Variants in SSBP2 observed in about 807,000 individuals in gnomAD.
SSBP2 encodes the protein single stranded DNA binding protein 2.
A neutral mutation model predicts 61.8 loss-of-function variants in SSBP2; 17 were observed. That is an observed-to-expected ratio of 0.28 (90% confidence interval 0.19 to 0.41). SSBP2 has a LOEUF of 0.41. Among genes scored for constraint, SSBP2 ranks in the 10% least tolerant of loss-of-function variants. The pLI, the probability that SSBP2 is intolerant of heterozygous loss-of-function variation, is 1.00. For missense variants in SSBP2, 310 were observed against 458.7 expected, an observed-to-expected ratio of 0.68 and a Z score of 2.96; for synonymous variants, 139 against 141.3, an observed-to-expected ratio of 0.98 and a Z score of 0.12.
rs534768410 is a variant in SSBP2, at chr5:81,546,582, G to A, written c.283-32865C>T. ...TGAGTTACTCTTACAATACGTCTTT[G>A]AGGTCAAAGGGAAAATATTTTTCAT... is the stretch of plus-strand genomic sequence containing the variant. On this transcript the variant is annotated intron_variant, in intron 4 of 16. Transcript: ENST00000320672. Among the ~76,000 whole-genome samples the A allele has an allele frequency of 2.0e-4, 31 of 151,982 alleles. 1 individual carries two copies. The highest frequency in any genetic ancestry group is 6.5e-4 in the African/African-American group (27 of 41,442).
At chr5:81,460,480 G>C (rs1436872090) in intron 10 of SSBP2, among the ~76,000 whole-genome samples, 1 of 152,140 alleles carries the variant, frequency 6.6e-6, no homozygotes, top group Non-Finnish European at 1.5e-5. Context: ...TATTAAGAGA[G>C]ATAAATATTA....
At chr5:81,541,002 A>T (rs570342480) in intron 4 of SSBP2, among the ~76,000 whole-genome samples, 1 of 152,276 alleles carries the variant, frequency 6.6e-6, no homozygotes, top group East Asian at 1.9e-4. Context: ...GTGTGATTCT[A>T]TAGCTAGAAA....
At chr5:81,675,468 C>G (rs1352343338) in intron 1 of SSBP2, among the ~76,000 whole-genome samples, 2 of 152,066 alleles carry the variant, frequency 1.3e-5, no homozygotes, top group Non-Finnish European at 2.9e-5. Context: ...AAGAATATAC[C>G]ATTTTAGGGA....
At chr5:81,684,559 G>A (rs974084456) in intron 1 of SSBP2, among the ~76,000 whole-genome samples, 12 of 152,084 alleles carry the variant, frequency 7.9e-5, no homozygotes, top group African/African-American at 1.4e-4. Context: ...TGTGAGACAC[G>A]GAGTCAAAGG....
chr5:81,424,970 T>C (rs1761861243), intron 16 of SSBP2, among the ~76,000 whole-genome samples: 1 of 152,248 alleles, frequency 6.6e-6, no homozygotes, highest in Non-Finnish European at 1.5e-5. Context: ...ATTCTGAGTC[T>C]GGCTCTCCCT....
At chr5:81,723,245 T>C (rs1483110343) in intron 1 of SSBP2, among the ~76,000 whole-genome samples, 1 of 152,020 alleles carries the variant, frequency 6.6e-6, no homozygotes, top group African/African-American at 2.4e-5. Context: ...TATACATTGT[T>C]AGTAAGAGTT....
intron 16 of SSBP2, among the ~76,000 whole-genome samples, chr5:81,427,750 G>C (rs557040021): frequency 1.3e-5 from 2 of 152,248 alleles, no homozygotes; most frequent in Admixed American, 1.3e-4. Flanking sequence ...CTACATTCCA[G>C]TTCAGTGGTT....
intron 15 of SSBP2, among the ~76,000 whole-genome samples, chr5:81,429,980 AT>A (rs977801674): frequency 4.6e-5 from 7 of 151,808 alleles, no homozygotes; most frequent in East Asian, 1.9e-4. Context: ...AGAGGATTCT[AT>A]TTTTTTTGAC....
intron 1 of SSBP2, among the ~76,000 whole-genome samples, chr5:81,678,243 A>T (rs1752133306): frequency 1.3e-5 from 2 of 152,210 alleles, no homozygotes; most frequent in South Asian, 4.1e-4. Context: ...AATTCTAGAG[A>T]CCATAAACAC....
intron 5 of SSBP2, among the ~76,000 whole-genome samples, chr5:81,503,341 C>G (rs1767940023): frequency 6.6e-6 from 1 of 152,116 alleles, no homozygotes; most frequent in African/African-American, 2.4e-5. Context: ...GTAATCCCAG[C>G]TACTCGGGAG....
At chr5:81,624,211 C>G (rs913759880) in intron 3 of SSBP2, among the ~76,000 whole-genome samples, 15 of 152,132 alleles carry the variant, frequency 9.9e-5, no homozygotes, top group Non-Finnish European at 1.8e-4. Flanking sequence ...AAATTAAATA[C>G]AAATTTAGTT....
chr5:81,549,768 T>C (rs1265615263), intron 4 of SSBP2, among the ~76,000 whole-genome samples: 1 of 152,178 alleles, frequency 6.6e-6, no homozygotes, highest in Non-Finnish European at 1.5e-5. Context: ...ACATTTAATA[T>C]ATACAATTTG....
intron 4 of SSBP2, among the ~76,000 whole-genome samples, chr5:81,551,846 A>C (rs1281862138): frequency 6.6e-6 from 1 of 152,198 alleles, no homozygotes; most frequent in African/African-American, 2.4e-5. Flanking sequence ...AATATCTACA[A>C]GACTATTATT....
intron 4 of SSBP2, among the ~76,000 whole-genome samples, chr5:81,524,213 A>G (rs1163111170): frequency 6.6e-6 from 1 of 151,992 alleles, no homozygotes; most frequent in African/African-American, 2.4e-5. Flanking sequence ...GGGCTTCTAA[A>G]TCCTGTAAGC....
In SSBP2 at chr5:81,413,440, T is replaced by C. The variant is rs1219325200; in HGVS notation, c.*7064A>G. The C allele has an allele frequency of 1.1e-4, 17 of 152,204 alleles. No homozygotes were observed. Among genetic ancestry groups the C allele is most frequent in the Non-Finnish European group, 2.2e-4 (15 of 68,022 alleles). The allele number at this position is 152,204 out of a possible 1,614,324, so 9.4% of individuals were successfully genotyped here. A position where few individuals can be genotyped will look rare whatever the true frequency, so the allele number is the denominator to read the frequency against. ...TATTTATACATAAATTGTGCATTTA[T>C]AAAAACCTTACAAATACTTCTATTT... On this transcript the variant is annotated 3_prime_UTR_variant, in exon 17 of 17. Transcript: ENST00000320672.
chr5:81,613,645 G>T (rs1745678305), intron 4 of SSBP2, among the ~76,000 whole-genome samples: 1 of 152,120 alleles, frequency 6.6e-6, no homozygotes, highest in South Asian at 2.1e-4. Flanking sequence ...ATCAAATATT[G>T]TATCTCCTTT....
intron 1 of SSBP2, among the ~76,000 whole-genome samples, chr5:81,700,807 G>A (rs1753930606): frequency 6.6e-6 from 1 of 152,144 alleles, no homozygotes; most frequent in South Asian, 2.1e-4. Context: ...ATTTTCTTCT[G>A]CAACTTCCTT....
intron 4 of SSBP2, among the ~76,000 whole-genome samples, chr5:81,530,806 A>C (rs1770331382): frequency 6.6e-6 from 1 of 152,092 alleles, no homozygotes. Context: ...AAATGCATTC[A>C]CTGAAAGCTG....
At chr5:81,716,146 C>A (rs1301195336) in intron 1 of SSBP2, among the ~76,000 whole-genome samples, 1 of 150,242 alleles carries the variant, frequency 6.7e-6, no homozygotes, top group Non-Finnish European at 1.5e-5. Context: ...CAATAGATAG[C>A]GTCAAAAAAA....
Sources: allele counts gnomAD v4.1 joint callset (sites outside exome capture counted in the v4.1 genomes callset), GRCh38; gene constraint gnomAD v4.1.1; transcripts MANE v1.5; gene names NCBI Gene and HGNC (gene_info 2026-07-23, HGNC 2026-07-21).